The following TOMT variants were observed in gnomAD, a reference collection of about 807,000 sequenced individuals.
TOMT encodes transmembrane O-methyltransferase.
Under a neutral mutation model 21.7 loss-of-function variants are expected in TOMT, and 23 were observed. The observed-to-expected ratio is 1.06, with a 90% CI of 0.76 to 1.50. The LOEUF is 1.50. Ranked by LOEUF, TOMT falls within the 40% of genes most tolerant of loss-of-function variation. The pLI is 0.00. For synonymous variants in TOMT, 132 were observed against 150.8 expected, an observed-to-expected ratio of 0.88 and a Z score of 0.91; for missense variants, 331 against 348.7, an observed-to-expected ratio of 0.95 and a Z score of 0.41.
chr11:72,107,272 T>A, intron 1 of TOMT: 5 of 597,826 alleles, frequency 8.4e-6, no homozygotes, highest in Non-Finnish European at 1.5e-5. Context: ...GTCTCAAAAA[T>A]AAATAAATAA....
Position 72,107,218 on chromosome 11 carries a change from G to T in TOMT, c.260-705G>T, listed in dbSNP as rs183575914. 2.8e-3 allele frequency: 1,549 copies of T among 560,100 alleles called. 5 individuals carry two copies. Among genetic ancestry groups the T allele is most frequent in the Non-Finnish European group, 3.9e-3 (1,245 of 317,100 alleles). The allele number at this position is 560,100 out of a possible 1,614,324, so 34.7% of individuals were successfully genotyped here. A position where few individuals can be genotyped will look rare whatever the true frequency, so the allele number is the denominator to read the frequency against. The stretch of plus-strand genomic sequence containing the variant: ...GGTGGTCAAGGCTGCAGTGAGCCGT[G>T]ATCATGCTACTGCACTCCAGCCTGG... On this transcript the variant is annotated intron_variant, in intron 1 of 2. Transcript: ENST00000541899.
chr11:72,108,309 A>G (rs899828422), intron 2 of TOMT, among the ~76,000 whole-genome samples, 190 bp downstream of exon 2: 6 of 152,230 alleles, frequency 3.9e-5, no homozygotes, highest in Non-Finnish European at 7.3e-5. Context: ...GGATGACGAA[A>G]GAAACAGCTA....
chr11:72,108,125 C>T lies in TOMT; in HGVS notation c.456+6C>T, dbSNP rs1945894542. The T allele has an allele frequency of 1.0e-5, 15 of 1,488,226 alleles. No individual in the cohort carries two copies. Among genetic ancestry groups the T allele is most frequent in the Non-Finnish European group, 1.3e-5 (15 of 1,112,826 alleles). 92.2% of individuals were successfully genotyped at this position (1,488,226 alleles called of 1,614,324 possible). Reference sequence around the variant, plus strand: ...CCGGCTTTGATGAGCACATGGTCAGCCTCCCATCTCCCCAACCCAGATTTT... The same window carrying T: ...CCGGCTTTGATGAGCACATGGTCAGTCTCCCATCTCCCCAACCCAGATTTT... On this transcript the variant is annotated splice_donor_region_variant and intron_variant, in intron 2 of 2. Coordinates refer to ENST00000541899, the Ensembl canonical transcript of TOMT.
At chr11:72,108,094 G>A (rs781148680) in exon 2 of TOMT, 8 of 1,529,920 alleles carry the variant, frequency 5.2e-6, no homozygotes, top group Admixed American at 2.0e-5. Context: ...AAACTCATCC[G>A]CCTGGCCGGC....
At chr11:72,107,426 T>G in intron 1 of TOMT, 3 of 702,516 alleles carry the variant, frequency 4.3e-6, no homozygotes, top group Non-Finnish European at 5.2e-6. Context: ...AAGAGCAACA[T>G]TTGAACTGAA....
At chr11:72,108,625 C>T (rs950391565) in exon 3 of TOMT, 1 of 1,487,706 alleles carries the variant, frequency 6.7e-7, no homozygotes, top group Admixed American at 2.2e-5. Context: ...TCGTGGGCAG[C>T]TCAGAGGACG....
At chr11:72,107,856 G>A in intron 1 of TOMT, 67 bp from the exon 2 acceptor site, 1 of 1,525,116 alleles carries the variant, frequency 6.6e-7, no homozygotes, top group Non-Finnish European at 8.9e-7. Context: ...AGGCATTTGA[G>A]ATATCTTTTA....
intron 2 of TOMT, 51 bp downstream of exon 2, chr11:72,108,170 C>T: frequency 7.0e-7 from 1 of 1,424,400 alleles, no homozygotes; most frequent in Non-Finnish European, 9.3e-7. Flanking sequence ...AGGCCTTGCC[C>T]CCAGACATCC....
chr11:72,106,107 C>T lies in TOMT; in HGVS notation c.156C>T (p.Tyr52=), dbSNP rs1189256993. 1.0e-5 allele frequency: 16 copies of T among 1,548,722 alleles called. No individual in the cohort carries two copies. In the East Asian group the frequency reaches 2.0e-4, roughly 19 times the overall value. Residue 52 remains tyrosine, a synonymous_variant, in exon 1 of 3, where the codon TAC becomes TAT. Transcript: ENST00000541899. Reference sequence around the variant, plus strand: ...GGATCGAGGAGCGGGCCTTCAGCTACGTGCTCACCCATGCCCTGCCCGGTG... The same window carrying T: ...GGATCGAGGAGCGGGCCTTCAGCTATGTGCTCACCCATGCCCTGCCCGGTG...
chr11:72,109,230 T>C, exon 3 of TOMT: 3 of 463,698 alleles, frequency 6.5e-6, no homozygotes, highest in Non-Finnish European at 1.2e-5. Context: ...AATCCCCACC[T>C]TGCTCTGAGA....
At chr11:72,106,138 G>A (rs1254000644) in exon 1 of TOMT, 1 of 1,541,336 alleles carries the variant, frequency 6.5e-7, no homozygotes, top group Non-Finnish European at 8.7e-7. Flanking sequence ...CGGTGACCCT[G>A]GTCACATCCT....
downstream of TOMT, chr11:72,109,505 C>T (rs1416416166): frequency 1.8e-5 from 7 of 386,630 alleles, no homozygotes; most frequent in Non-Finnish European, 3.0e-5. Context: ...GGCTGATGTC[C>T]CTTGAGTGCC....
At chr11:72,109,319 T>TC in exon 3 of TOMT, 1 of 468,028 alleles carries the variant, frequency 2.1e-6, no homozygotes, top group Non-Finnish European at 4.2e-6. Context: ...TCAGAAAGCC[T>TC]CCCATCCTCA....
rs1945778183 is a variant in TOMT at position 72,107,264 on chromosome 11, C to G, written c.260-659C>G. 7 of 600,066 alleles carry G rather than the reference C, an allele frequency of 1.2e-5. No homozygotes were observed. In the South Asian group the frequency reaches 1.4e-4, roughly 12 times the overall value. 37.2% of individuals were successfully genotyped at this position (600,066 alleles called of 1,614,324 possible). A position where few individuals can be genotyped will look rare whatever the true frequency, so the allele number is the denominator to read the frequency against. ...CCTGGGCAACACAGCAAGACTTGGTCTCAAAAATAAATAAATAAAAGTTCA... is the reference window on the plus strand; with the variant it reads ...CCTGGGCAACACAGCAAGACTTGGTGTCAAAAATAAATAAATAAAAGTTCA... On this transcript the variant is annotated intron_variant, in intron 1 of 2. Transcript: ENST00000541899.
chr11:72,106,312 G>C (rs1945689271), intron 1 of TOMT, 102 bp downstream of exon 1: 1 of 1,297,500 alleles, frequency 7.7e-7, no homozygotes, highest in Non-Finnish European at 1.0e-6. Context: ...GCAGGTTCTT[G>C]ATCCTCTTTT....
exon 2 of TOMT, chr11:72,107,955 G>A: frequency 1.9e-6 from 3 of 1,551,684 alleles, no homozygotes; most frequent in Non-Finnish European, 2.6e-6. Context: ...GGAGGAGAAG[G>A]CCCCTGCTTG....
chr11:72,108,586 G>C lies in TOMT; in HGVS notation c.457-19G>C, dbSNP rs1591193760. 1.4e-6 allele frequency: 2 copies of C among 1,436,904 alleles called. No homozygotes were observed. The highest frequency in any genetic ancestry group is 1.8e-6 in the Non-Finnish European group (2 of 1,091,590). The allele number at this position is 1,436,904 out of a possible 1,614,324, so 89.0% of individuals were successfully genotyped here. A position where few individuals can be genotyped will look rare whatever the true frequency, so the allele number is the denominator to read the frequency against. ...ACAATTCCCCCCACCCTCACCTCCA[G>C]CTCCCCCTATCCCCACAGGTGGAGC... On this transcript the variant is annotated intron_variant, in intron 2 of 2. Coordinates refer to ENST00000541899, the Ensembl canonical transcript of TOMT.
At chr11:72,109,271 T>C in exon 3 of TOMT, 1 of 454,924 alleles carries the variant, frequency 2.2e-6, no homozygotes, top group Admixed American at 2.8e-5. Flanking sequence ...CGAAGGAAGC[T>C]GGATGGGAGA....
chr11:72,106,306 G>C (rs890062285), intron 1 of TOMT, 96 bp downstream of exon 1: 2 of 1,314,160 alleles, frequency 1.5e-6, no homozygotes, highest in Non-Finnish European at 2.0e-6. Context: ...AATTGGGCAG[G>C]TTCTTGATCC....
Sources: allele counts gnomAD v4.1 joint callset (sites outside exome capture counted in the v4.1 genomes callset), GRCh38; gene constraint gnomAD v4.1.1; transcripts MANE v1.5; gene names NCBI Gene and HGNC (gene_info 2026-07-23, HGNC 2026-07-21).